Variants in PCDH11X observed in about 807,000 individuals in gnomAD.
PCDH11X encodes protocadherin 11 X-linked.
In PCDH11X, 18 loss-of-function variants were observed where a neutral mutation model predicts 53.3. That is an observed-to-expected ratio of 0.34 (90% CI 0.23 to 0.50). The LOEUF (loss-of-function observed/expected upper bound fraction) is 0.50, where lower values mean the gene tolerates loss of function less well. Among genes scored for constraint, PCDH11X ranks in the 20% least tolerant of loss-of-function variants. The pLI is 0.98. For missense variants in PCDH11X, 570 were observed against 1,032.4 expected (o/e 0.55, Z 6.14); for synonymous variants, 279 against 393.3 (o/e 0.71, Z 3.44).
At chrX:92,554,876 T>G (rs1178849072) in intron 10 of PCDH11X, among the ~76,000 whole-genome samples, 2 of 111,183 alleles carry the variant, frequency 1.8e-5, no homozygotes, top group Admixed American at 9.6e-5. Flanking sequence ...CTCTTCCCAC[T>G]GTCAACTTCC....
At chrX:92,253,973 T>A (rs1419886579) in intron 7 of PCDH11X, among the ~76,000 whole-genome samples, 1 of 112,114 alleles carries the variant, frequency 8.9e-6, no homozygotes, top group African/African-American at 3.2e-5. Context: ...CAGTACTATG[T>A]TGAATAACAG....
intron 10 of PCDH11X, among the ~76,000 whole-genome samples, chrX:92,499,849 G>T (rs2073930919): frequency 9.5e-6 from 1 of 105,308 alleles, no homozygotes; most frequent in Non-Finnish European, 1.9e-5. Flanking sequence ...AAGAAAGAAT[G>T]AATGAAAGAA....
At position 91,844,182 on chromosome X, in the gene PCDH11X, C is replaced by T. The variant is rs1373950228; in HGVS notation, c.540+8138C>T. 8.1e-5 allele frequency among the ~76,000 whole-genome samples: 9 copies of T among 111,285 alleles called. No individual in the cohort carries two copies. In the Admixed American group the frequency reaches 8.6e-4, roughly 11 times the overall value. On this transcript the variant is annotated intron_variant, in intron 5 of 10. Transcript: ENST00000682573. Reference sequence around the variant, plus strand: ...CATACTCCTTAAAAAGCCTATTTTACGACTTAAACTTAGTTTTCCATACAT... The same window carrying T: ...CATACTCCTTAAAAAGCCTATTTTATGACTTAAACTTAGTTTTCCATACAT...
Position 92,071,854 on chromosome X carries a change from G to A in PCDH11X, c.3034-129521G>A, listed in dbSNP as rs188197290. ...GCACCTCTGTGGCCACTACCACTGG[G>A]ACTTTGCTAGGTCATTCCTGAAGCC... On this transcript the variant is annotated intron_variant, in intron 6 of 10. Coordinates refer to ENST00000682573, the MANE Select transcript of PCDH11X (RefSeq NM_032968.5). Among the ~76,000 whole-genome samples the A allele has an allele frequency of 1.5e-4, 17 of 112,090 alleles. No individual in the cohort carries two copies. In the East Asian group the frequency reaches 4.3e-3, roughly 28 times the overall value.
rs778193235 is a variant in PCDH11X at position 91,828,205 on chromosome X, C to T, written c.-44-7256C>T. ...AGCGATCTCAGCTCACTGCAAGCTC[C>T]GCCTCCCGGGTTCACGCCATTCTCC... On this transcript the variant is annotated intron_variant, in intron 4 of 10. Transcript: ENST00000682573. Among the ~76,000 whole-genome samples, 233 of 105,547 alleles carry T rather than the reference C, an allele frequency of 2.2e-3. 1 individual carries two copies. The highest frequency in any genetic ancestry group is 8.0e-3 in the African/African-American group (226 of 28,280). The allele number at this position is 105,547 out of a possible 115,157, so 91.7% of individuals were successfully genotyped here.
At chrX:92,085,083 T>C (rs1485027786) in intron 6 of PCDH11X, among the ~76,000 whole-genome samples, 1 of 110,655 alleles carries the variant, frequency 9.0e-6, no homozygotes, top group Non-Finnish European at 1.9e-5. Context: ...CATAGTAGTG[T>C]GGACAGTGAG....
intron 6 of PCDH11X, among the ~76,000 whole-genome samples, chrX:92,155,550 T>C (rs1470757439): frequency 1.0e-5 from 1 of 97,238 alleles, no homozygotes; most frequent in African/African-American, 3.8e-5. Context: ...CTCTCGCTCC[T>C]TATCACCTCT....
chrX:92,017,173 C>T (rs1401385728), intron 6 of PCDH11X, among the ~76,000 whole-genome samples: 1 of 105,334 alleles, frequency 9.5e-6, no homozygotes, highest in Non-Finnish European at 1.9e-5. Context: ...CATCTATAGC[C>T]AAAAATAATT....
At chrX:92,403,626 G>A (rs758963345) in intron 9 of PCDH11X, among the ~76,000 whole-genome samples, 2 of 110,362 alleles carry the variant, frequency 1.8e-5, no homozygotes, top group African/African-American at 6.6e-5. Context: ...TCAGCGTTTA[G>A]TTTCCCAGAA....
rs1188965973 is a variant in PCDH11X at position 92,452,497 on chromosome X, ATG to A, written c.3344-15800_3344-15799del. Reference sequence around the variant, plus strand: ...TATATATATATATATATATATATATATGTTTTTTTTTTTTTTTTTGAGATGGA... The same window carrying A: ...TATATATATATATATATATATATATATTTTTTTTTTTTTTTTTGAGATGGA... On this transcript the variant is annotated intron_variant, in intron 9 of 10. Transcript: ENST00000682573. 7.8e-3 allele frequency among the ~76,000 whole-genome samples: 264 copies of A among 33,825 alleles called. 6 individuals carry two copies. Among genetic ancestry groups the A allele is most frequent in the African/African-American group, 0.066 (252 of 3,801 alleles). 29.4% of individuals were successfully genotyped at this position (33,825 alleles called of 115,157 possible).
chrX:92,244,589 G>A (rs1390175367), intron 7 of PCDH11X, among the ~76,000 whole-genome samples: 1 of 111,465 alleles, frequency 9.0e-6, no homozygotes, highest in Non-Finnish European at 1.9e-5. Context: ...TTTGTTAAGT[G>A]CTTACTACAG....
chrX:91,938,804 C>T (rs1429538891), intron 6 of PCDH11X, among the ~76,000 whole-genome samples: 1 of 110,394 alleles, frequency 9.1e-6, no homozygotes, highest in Non-Finnish European at 1.9e-5. Context: ...CATAATTAGC[C>T]CCTAGATGAA....
chrX:92,375,164 A>ATTTTTT (rs1817360852), intron 8 of PCDH11X, among the ~76,000 whole-genome samples: 1 of 9,961 alleles, frequency 1.0e-4, no homozygotes, highest in Non-Finnish European at 2.0e-4. Flanking sequence ...ATATATATAT[A>ATTTTTT]TATTTTTTTT....
intron 10 of PCDH11X, among the ~76,000 whole-genome samples, chrX:92,517,250 C>T (rs2074286239): frequency 9.0e-6 from 1 of 111,644 alleles, no homozygotes; most frequent in Non-Finnish European, 1.9e-5. Flanking sequence ...ATACAAAAAA[C>T]AGAGCTTGAG....
intron 6 of PCDH11X, among the ~76,000 whole-genome samples, chrX:91,964,590 A>AT (rs2147894441): frequency 1.8e-5 from 2 of 112,607 alleles, no homozygotes; most frequent in East Asian, 5.6e-4. Context: ...ATGATGTAAC[A>AT]TTACACTATT....
At chrX:92,484,129 GTATA>G (rs1341465625) in intron 10 of PCDH11X, among the ~76,000 whole-genome samples, 738 of 73,376 alleles carry the variant, frequency 0.01, 14 homozygotes, top group African/African-American at 0.034. Context: ...GTATATATAT[GTATA>G]TATGTATGTA....
In PCDH11X at chrX:92,148,793, T is replaced by C. The variant is rs765086949; in HGVS notation, c.3034-52582T>C. Among the ~76,000 whole-genome samples, 837 of 107,065 alleles carry C rather than the reference T, an allele frequency of 7.8e-3. 5 individuals carry two copies. The highest frequency in any genetic ancestry group is 0.018 in the African/African-American group (529 of 29,454). 93.0% of individuals were successfully genotyped at this position (107,065 alleles called of 115,157 possible). ...ATATGTGTGTGTATATATATATATA[T>C]ACACACACACACACATAAATGTTTT... is the stretch of plus-strand genomic sequence containing the variant. On this transcript the variant is annotated intron_variant, in intron 6 of 10. Coordinates refer to ENST00000682573, the MANE Select transcript of PCDH11X (RefSeq NM_032968.5).
intron 10 of PCDH11X, among the ~76,000 whole-genome samples, chrX:92,572,333 C>T (rs754499964): frequency 5.5e-4 from 59 of 107,865 alleles, no homozygotes; most frequent in Non-Finnish European, 9.8e-4. Context: ...CTGAGAATTG[C>T]CCAGTTGTGG....
rs35416782 is a variant in PCDH11X at position 92,621,866 on chromosome X, C to T, written c.*2926C>T. The T allele has an allele frequency of 8.3e-3, 919 of 110,854 alleles. 10 individuals carry two copies. Among genetic ancestry groups the T allele is most frequent in the African/African-American group, 0.029 (869 of 30,467 alleles). 9.1% of individuals were successfully genotyped at this position (110,854 alleles called of 1,213,427 possible). A position where few individuals can be genotyped will look rare whatever the true frequency, so the allele number is the denominator to read the frequency against. On this transcript the variant is annotated 3_prime_UTR_variant, in exon 11 of 11. Coordinates refer to ENST00000682573, the MANE Select transcript of PCDH11X (RefSeq NM_032968.5). ...CTGAATGACTTATATGAGAATAATA[C>T]GTTCAATCAAAGTAGTTATTCTATT...
Sources: allele counts gnomAD v4.1 joint callset (sites outside exome capture counted in the v4.1 genomes callset), GRCh38; gene constraint gnomAD v4.1.1; transcripts MANE v1.5; gene names NCBI Gene and HGNC (gene_info 2026-07-23, HGNC 2026-07-21).